ITGAE: variants seen among roughly 807,000 people sequenced by gnomAD.
ITGAE encodes the protein integrin subunit alpha E, also known as integrin alpha-E.
In ITGAE, 99 loss-of-function variants were observed where a neutral mutation model predicts 136.5. That is an observed-to-expected ratio of 0.73 (90% CI 0.62 to 0.86). The LOEUF is 0.86. Among genes scored for constraint, ITGAE ranks in the 40% least tolerant of loss-of-function variants. ITGAE has a pLI of 0.00. For missense variants in ITGAE, 1,447 were observed against 1,515.3 expected (o/e 0.95, Z 0.75); for synonymous variants, 613 against 591.8 (o/e 1.04, Z -0.52).
At chr17:3,761,750 C>G (rs1188222718) in intron 4 of ITGAE, among the ~76,000 whole-genome samples, 165 bp downstream of exon 4, 4 of 152,178 alleles carry the variant, frequency 2.6e-5, no homozygotes, top group Non-Finnish European at 5.9e-5. Context: ...GCCCTGGTAT[C>G]AGGGTGGTCA....
chr17:3,757,710 A>G lies in ITGAE; in HGVS notation c.1016T>C (p.Ile339Thr), dbSNP rs147406351. 25 of 1,613,818 alleles carry G rather than the reference A, an allele frequency of 1.5e-5. No homozygotes were observed. The highest frequency in any genetic ancestry group is 1.9e-5 in the Non-Finnish European group (23 of 1,179,902). Residue 339 changes from isoleucine to threonine, a missense_variant, in exon 9 of 31, where the codon ATT becomes ACT. Physicochemically the swap from Ile to Thr is moderately conservative, Grantham distance 89. This residue lies in a region of ITGAE where 310 missense variants were observed against 416.1 expected (regional missense o/e 0.74). Transcript: ENST00000263087. ...PKMQGVERFA[I>T]GVGEEFKSAR... ...CTCCCGGCTCCTGGCTCTTACCCCA[A>G]TGGCAAAGCGCTCAACACCCTGCAT...
In ITGAE at chr17:3,734,798, C is replaced by T. The variant is rs1217629853; in HGVS notation, c.2655+19G>A. ...GAGGGGCGTGAGGGACCTGTTTCCA[C>T]AGCCACCGTCACAGTCACCTTTTGC... On this transcript the variant is annotated intron_variant, in intron 21 of 30. Transcript: ENST00000263087. The T allele has an allele frequency of 6.2e-7, 1 of 1,613,682 alleles. No homozygotes were observed. Among genetic ancestry groups the T allele is most frequent in the Non-Finnish European group, 8.5e-7 (1 of 1,179,672 alleles).
At chr17:3,745,967 G>A (rs556622768) in intron 17 of ITGAE, 40 bp from the exon 18 acceptor site, 1 of 1,587,250 alleles carries the variant, frequency 6.3e-7, no homozygotes, top group South Asian at 1.1e-5. Flanking sequence ...AGGTGGGGAT[G>A]AGCCAGCCGC....
intron 2 of ITGAE, among the ~76,000 whole-genome samples, chr17:3,773,833 G>A (rs2052482042): frequency 6.6e-6 from 1 of 152,056 alleles, no homozygotes; most frequent in Non-Finnish European, 1.5e-5. Flanking sequence ...AGCTATCTGG[G>A]GGCTGCCGGT....
At chr17:3,715,033 C>A in intron 30 of ITGAE, 91 bp from the exon 31 acceptor site, 1 of 698,208 alleles carries the variant, frequency 1.4e-6, no homozygotes, top group East Asian at 2.6e-5. Flanking sequence ...TAAATAGCCC[C>A]TATATTCCTC....
chr17:3,776,999 C>G (rs375064651), intron 2 of ITGAE, among the ~76,000 whole-genome samples: 10 of 143,072 alleles, frequency 7.0e-5, no homozygotes, highest in Non-Finnish European at 1.0e-4. Context: ...CTCGCTCTGT[C>G]GCCCAGGCTG....
intron 26 of ITGAE, chr17:3,726,141 T>C: frequency 6.2e-7 from 1 of 1,614,068 alleles, no homozygotes; most frequent in Non-Finnish European, 8.5e-7. Context: ...CTGGGGTGAA[T>C]ATCACCCTTA....
intron 21 of ITGAE, among the ~76,000 whole-genome samples, chr17:3,733,183 C>T (rs1323737881): frequency 6.6e-6 from 1 of 152,016 alleles, no homozygotes; most frequent in East Asian, 1.9e-4. Flanking sequence ...CAGGGTTTCA[C>T]CATGTTAGCC....
At chr17:3,721,084 A>G (rs2051039883) in intron 28 of ITGAE, among the ~76,000 whole-genome samples, 1 of 151,298 alleles carries the variant, frequency 6.6e-6, no homozygotes, top group African/African-American at 2.4e-5. Context: ...GCACCCCACC[A>G]CACTGGGCTA....
Position 3,763,853 on chromosome 17 carries a change from G to C in ITGAE, c.247+16C>G. ...GGGGTCCTGGGGAGCATTCCCTGGA[G>C]TTGGGGCTGACTTACCTACAGGATG... is the stretch of plus-strand genomic sequence containing the variant. On this transcript the variant is annotated intron_variant, in intron 3 of 30. Coordinates refer to ENST00000263087, the MANE Select transcript of ITGAE (RefSeq NM_002208.5). 1.9e-6 allele frequency: 3 copies of C among 1,604,610 alleles called. No homozygotes were observed. Among genetic ancestry groups the C allele is most frequent in the Non-Finnish European group, 2.6e-6 (3 of 1,171,530 alleles).
intron 1 of ITGAE, among the ~76,000 whole-genome samples, chr17:3,778,283 C>T (rs1274734272): frequency 1.3e-5 from 2 of 152,150 alleles, no homozygotes; most frequent in Non-Finnish European, 2.9e-5. Flanking sequence ...TTATGCTGGC[C>T]GCGCGCCAGT....
chr17:3,755,840 A>T lies in ITGAE; in HGVS notation c.1229T>A (p.Ile410Asn), dbSNP rs1451632191. The T allele has an allele frequency of 6.3e-7, 1 of 1,595,766 alleles. No homozygotes were observed. The highest frequency in any genetic ancestry group is 1.1e-5 in the South Asian group (1 of 87,732). The change falls in exon 11 of 31, where the codon ATC becomes AAC. Residue 410 changes from isoleucine (I) to asparagine (N), a missense_variant. This residue lies in a region of ITGAE where 1,031 missense variants were observed against 1,011.4 expected (regional missense o/e 1.02). Coordinates refer to ENST00000263087, the MANE Select transcript of ITGAE (RefSeq NM_002208.5). ...QLAQIGFSAQILDERQVLLGA... is the reference protein window; with the variant it reads ...QLAQIGFSAQNLDERQVLLGA... ...GAGTCAGCCACGTACCTCATCCAGG[A>T]TCTGAGCACTGAAGCCAATCTGTGC...
rs10642081 is a variant in ITGAE at position 3,743,683 on chromosome 17, C to CTTT, written c.2320-69_2320-67dup. On this transcript the variant is annotated intron_variant, in intron 18 of 30. Transcript: ENST00000263087. Reference sequence around the variant, plus strand: ...GGGGGAGAAGATGACAACAATAATGCTTTTTTTCTTTTTCTTTTTTTCTTT... The same window carrying CTTT: ...GGGGGAGAAGATGACAACAATAATGCTTTTTTTTTTCTTTTTCTTTTTTTCTTT... The CTTT allele has an allele frequency of 6.6e-4, 908 of 1,377,476 alleles. 2 individuals are homozygous for CTTT. The highest frequency in any genetic ancestry group is 8.0e-4 in the Non-Finnish European group (818 of 1,016,804). The allele number at this position is 1,377,476 out of a possible 1,614,324, so 85.3% of individuals were successfully genotyped here.
chr17:3,760,232 A>G lies in ITGAE; in HGVS notation c.654T>C (p.Phe218=). Reference sequence around the variant, plus strand: ...TGGAGATGAAGTCTTTGGCTCTCTGAAAGTCTGGGGGATCAATGCTTCCTG... The same window carrying G: ...TGGAGATGAAGTCTTTGGCTCTCTGGAAGTCTGGGGGATCAATGCTTCCTG... ...DGSGSIDPPD[F]QRAKDFISNM... The change falls in exon 7 of 31, where the codon TTT becomes TTC. Residue 218 remains phenylalanine, a synonymous_variant. Coordinates refer to ENST00000263087, the MANE Select transcript of ITGAE (RefSeq NM_002208.5). 6.2e-7 allele frequency: 1 copy of G among 1,613,930 alleles called. No individual in the cohort carries two copies. Among genetic ancestry groups the G allele is most frequent in the Non-Finnish European group, 8.5e-7 (1 of 1,179,952 alleles).
chr17:3,764,338 C>T (rs1375601723), intron 2 of ITGAE, among the ~76,000 whole-genome samples: 1 of 152,212 alleles, frequency 6.6e-6, no homozygotes, highest in African/African-American at 2.4e-5. Context: ...AGGGGGCCTG[C>T]CCTGCCTGGC....
At chr17:3,725,968 G>A in intron 26 of ITGAE, 7 of 1,613,750 alleles carry the variant, frequency 4.3e-6, no homozygotes, top group Non-Finnish European at 5.9e-6. Context: ...ACTATCCCCA[G>A]CTGTGGGTTG....
intron 1 of ITGAE, among the ~76,000 whole-genome samples, chr17:3,790,173 C>T (rs1220369385): frequency 6.6e-6 from 1 of 152,076 alleles, no homozygotes; most frequent in Non-Finnish European, 1.5e-5. Flanking sequence ...CTTCAGACCA[C>T]ATTCTGAGTA....
intron 1 of ITGAE, among the ~76,000 whole-genome samples, chr17:3,797,445 T>A (rs8074542): frequency 6.8e-5 from 10 of 146,136 alleles, no homozygotes; most frequent in South Asian, 2.2e-4. Flanking sequence ...GATTACAGGC[T>A]TGAGCCACTG....
In ITGAE at chr17:3,720,584, C is replaced by CTT. The variant is rs66495360; in HGVS notation, c.3238-184_3238-183dup. 984 of 321,064 alleles carry CTT rather than the reference C, an allele frequency of 3.1e-3. 7 individuals carry two copies. Among genetic ancestry groups the CTT allele is most frequent in the African/African-American group, 0.017 (697 of 41,300 alleles). The allele number at this position is 321,064 out of a possible 1,614,324, so 19.9% of individuals were successfully genotyped here. ...ACATCTGCAGTTATTCTTCAACTTCCTTTTTTTTTTTTTTTGAGATGGAGT... is the reference window on the plus strand; with the variant it reads ...ACATCTGCAGTTATTCTTCAACTTCCTTTTTTTTTTTTTTTTTGAGATGGAGT... On this transcript the variant is annotated intron_variant, in intron 28 of 30. Transcript: ENST00000263087.
Sources: allele counts gnomAD v4.1 joint callset (sites outside exome capture counted in the v4.1 genomes callset), GRCh38; gene constraint gnomAD v4.1.1; regional missense constraint gnomAD v4.1.1; transcripts MANE v1.5; gene names NCBI Gene and HGNC (gene_info 2026-07-23, HGNC 2026-07-21).